Variants in SLC22A16 observed in about 807,000 individuals in gnomAD.
SLC22A16 encodes the protein solute carrier family 22 member 16, also known as WUGSC:RG331P03.1.
In SLC22A16, 53 loss-of-function variants were observed where a neutral mutation model predicts 52.9. The ratio of observed to expected loss-of-function variants is 1.00; its 90% CI spans 0.80 to 1.26. The LOEUF (loss-of-function observed/expected upper bound fraction) is 1.26, where lower values mean the gene tolerates loss of function less well. SLC22A16 is among the 50% of genes most tolerant of loss of function. The pLI is 0.00. For missense variants in SLC22A16, 726 were observed against 704.0 expected, an observed-to-expected ratio of 1.03 and a Z score of -0.35; for synonymous variants, 291 against 268.8, an observed-to-expected ratio of 1.08 and a Z score of -0.81.
Position 110,456,580 on chromosome 6 carries a change from C to G in SLC22A16, c.491G>C (p.Gly164Ala), listed in dbSNP as rs1178416585. ...AMLIQPLFMF[G>A]VLLGSVTFGY... ...AAAAGTCACCGATCCCAGTAGGACT[C>G]CAAACATAAATAGGGGCTGGATCAG... is the stretch of plus-strand genomic sequence containing the variant. Residue 164 changes from glycine to alanine, a missense_variant, in exon 2 of 8, where the codon GGA becomes GCA. Transcript: ENST00000368919. 1 of 1,614,160 alleles carries G rather than the reference C, an allele frequency of 6.2e-7. No individual in the cohort carries two copies. Among genetic ancestry groups the G allele is most frequent in the African/African-American group, 1.3e-5 (1 of 75,026 alleles).
chr6:110,460,215 C>A (rs1425180870), intron 1 of SLC22A16, among the ~76,000 whole-genome samples: 1 of 152,160 alleles, frequency 6.6e-6, no homozygotes, highest in Non-Finnish European at 1.5e-5. Flanking sequence ...CTGACCATCC[C>A]TCAGCTCAGC....
intron 2 of SLC22A16, among the ~76,000 whole-genome samples, chr6:110,450,742 A>T (rs1414880395): frequency 1.3e-5 from 2 of 151,880 alleles, no homozygotes; most frequent in Non-Finnish European, 2.9e-5. Flanking sequence ...TTTTATTATA[A>T]TATTTTATAC....
chr6:110,474,843 T>C lies in SLC22A16; in HGVS notation c.53+1679A>G, dbSNP rs868029663. On this transcript the variant is annotated intron_variant, in intron 1 of 7. Coordinates refer to ENST00000368919, the MANE Select transcript of SLC22A16 (RefSeq NM_033125.4). ...ACTTCCATTTGAGGAATCTGTTTGA[T>C]TGGGCACTTTAGTCAAACACCAACT... The C allele has an allele frequency of 8.1e-6, 4 of 494,222 alleles. No individual in the cohort carries two copies. The Middle Eastern group carries it at 9.9e-4, about 122-fold the overall frequency. 30.6% of individuals were successfully genotyped at this position (494,222 alleles called of 1,614,324 possible). A position where few individuals can be genotyped will look rare whatever the true frequency, so the allele number is the denominator to read the frequency against.
chr6:110,452,874 C>T (rs945183389), intron 2 of SLC22A16, among the ~76,000 whole-genome samples: 1 of 152,084 alleles, frequency 6.6e-6, no homozygotes, highest in African/African-American at 2.4e-5. Context: ...TCCTCTAATA[C>T]GTTAATGTGG....
Position 110,475,705 on chromosome 6 carries a change from G to T in SLC22A16, c.53+817C>A, listed in dbSNP as rs558508303. ...ATCGAGACGCAGCTCCAAATCTCCGGCCATAACGCTGCATGGCCCCTCACC... is the reference window on the plus strand; with the variant it reads ...ATCGAGACGCAGCTCCAAATCTCCGTCCATAACGCTGCATGGCCCCTCACC... On this transcript the variant is annotated intron_variant, in intron 1 of 7. Transcript: ENST00000368919. 5.9e-5 allele frequency among the ~76,000 whole-genome samples: 9 copies of T among 152,240 alleles called. No individual in the cohort carries two copies. In the South Asian group the frequency reaches 1.9e-3, roughly 32 times the overall value.
chr6:110,426,217 T>C (rs1272117178), intron 7 of SLC22A16, among the ~76,000 whole-genome samples: 4 of 152,202 alleles, frequency 2.6e-5, no homozygotes, highest in African/African-American at 9.7e-5. Flanking sequence ...TTCTGGTCTC[T>C]CAAGACACGG....
intron 7 of SLC22A16, among the ~76,000 whole-genome samples, chr6:110,426,211 G>T (rs1189590412): frequency 6.6e-6 from 1 of 152,136 alleles, no homozygotes; most frequent in African/African-American, 2.4e-5. Flanking sequence ...GACGTTTTCT[G>T]GTCTCTCAAG....
rs192578859 is a variant in SLC22A16 at position 110,437,453 on chromosome 6, G to A, written c.1311+1267C>T. ...AAATTGGCAGAGACCTCCTTGTCCCGAGTAGTTTTATTGCATTCAATTAGT... is the reference window on the plus strand; with the variant it reads ...AAATTGGCAGAGACCTCCTTGTCCCAAGTAGTTTTATTGCATTCAATTAGT... On this transcript the variant is annotated intron_variant, in intron 5 of 7. Transcript: ENST00000368919. Among the ~76,000 whole-genome samples the A allele has an allele frequency of 2.9e-3, 441 of 152,246 alleles. 4 individuals are homozygous for A. The highest frequency in any genetic ancestry group is 9.2e-3 in the African/African-American group (384 of 41,538).
chr6:110,466,220 T>C (rs1776054172), intron 1 of SLC22A16, among the ~76,000 whole-genome samples: 1 of 152,086 alleles, frequency 6.6e-6, no homozygotes, highest in Non-Finnish European at 1.5e-5. Context: ...TTCTGGACAT[T>C]AGCCTAGGCA....
At chr6:110,470,728 G>A (rs1183190015) in intron 1 of SLC22A16, among the ~76,000 whole-genome samples, 1 of 151,974 alleles carries the variant, frequency 6.6e-6, no homozygotes, top group East Asian at 1.9e-4. Context: ...CACCCTGGCA[G>A]GCCTCTGAAG....
chr6:110,431,258 C>G lies in SLC22A16; in HGVS notation c.1434G>C (p.Val478=), dbSNP rs1223666299. The G allele has an allele frequency of 1.2e-6, 2 of 1,612,248 alleles. No individual in the cohort carries two copies. The highest frequency in any genetic ancestry group is 1.7e-6 in the Non-Finnish European group (2 of 1,179,918). ...LYPTIVRSLA[V]GSGSMVCRLA... ...GGCGACACACCATGCTGCCGCTTCC[C>G]ACAGCCAGCGATCTGGAAACAGAGG... The change falls in exon 7 of 8, where the codon GTG becomes GTC. Residue 478 remains valine, a synonymous_variant. Coordinates refer to ENST00000368919, the MANE Select transcript of SLC22A16 (RefSeq NM_033125.4).
intron 2 of SLC22A16, 88 bp from the exon 3 acceptor site, chr6:110,447,078 A>T: frequency 1.0e-6 from 1 of 974,548 alleles, no homozygotes; most frequent in Middle Eastern, 2.2e-4. Context: ...GATAGGCATT[A>T]CCTATATACC....
At chr6:110,462,259 T>G (rs1775911587) in intron 1 of SLC22A16, among the ~76,000 whole-genome samples, 3 of 152,208 alleles carry the variant, frequency 2.0e-5, no homozygotes, top group African/African-American at 7.2e-5. Context: ...CTCCTTCAGA[T>G]GAGAAGGAAT....
At chr6:110,473,187 A>C (rs892532256) in intron 1 of SLC22A16, among the ~76,000 whole-genome samples, 2 of 152,214 alleles carry the variant, frequency 1.3e-5, no homozygotes, top group Non-Finnish European at 2.9e-5. Flanking sequence ...CACTGAAGTC[A>C]AAAAAGAGCC....
intron 2 of SLC22A16, 119 bp from the exon 3 acceptor site, chr6:110,447,109 T>C: frequency 1.3e-6 from 1 of 748,274 alleles, no homozygotes; most frequent in East Asian, 2.7e-5. Context: ...TATGTATTGA[T>C]TGTTTTTCTT....
At chr6:110,442,811 C>T in intron 3 of SLC22A16, 36 bp from the exon 4 acceptor site, 1 of 1,582,688 alleles carries the variant, frequency 6.3e-7, no homozygotes, top group Non-Finnish European at 8.6e-7. Flanking sequence ...TATTCAAGGT[C>T]ACATTTATAA....
intron 7 of SLC22A16, among the ~76,000 whole-genome samples, chr6:110,425,610 G>C (rs560930754): frequency 2.6e-4 from 39 of 152,354 alleles, no homozygotes; most frequent in African/African-American, 7.2e-4. Flanking sequence ...TTTGGGGGAA[G>C]CTAAACAAAG....
At chr6:110,463,505 T>A (rs1582583064) in intron 1 of SLC22A16, among the ~76,000 whole-genome samples, 2 of 9,800 alleles carry the variant, frequency 2.0e-4, no homozygotes, top group African/African-American at 4.7e-4. Flanking sequence ...GTCTCTAAAG[T>A]AACAACAGTA....
intron 2 of SLC22A16, among the ~76,000 whole-genome samples, chr6:110,450,350 G>A (rs996123954): frequency 6.6e-6 from 1 of 152,156 alleles, no homozygotes; most frequent in Admixed American, 6.6e-5. Flanking sequence ...GGCGGCTCAT[G>A]CCTGTAATCC....
Sources: gnomAD v4.1 joint callset for allele counts (sites outside exome capture counted in the v4.1 genomes callset) on GRCh38, gnomAD v4.1.1 for gene constraint, MANE v1.5 for transcripts, NCBI Gene and HGNC (gene_info 2026-07-23, HGNC 2026-07-21) for gene names.